Variants in CDK8 observed in about 807,000 individuals in gnomAD.
The protein encoded by CDK8 is cyclin-dependent kinase 8.
CDK8 carries 29 observed loss-of-function variants against 71.5 expected under a neutral mutation model. The ratio of observed to expected loss-of-function variants is 0.41; its 90% confidence interval spans 0.30 to 0.55. The LOEUF (loss-of-function observed/expected upper bound fraction) is 0.55. CDK8 is among the 20% of genes least tolerant of loss of function. The pLI, the probability that CDK8 is intolerant of heterozygous loss-of-function variation, is 0.37. For missense variants in CDK8, 288 were observed against 572.6 expected (o/e 0.50, Z 5.07); for synonymous variants, 161 against 192.1 (o/e 0.84, Z 1.34).
At chr13:26,353,580 G>A (rs184624794) in intron 3 of CDK8, among the ~76,000 whole-genome samples, 160 bp from the exon 4 acceptor site, 15 of 152,118 alleles carry the variant, frequency 9.9e-5, no homozygotes, top group Admixed American at 9.8e-4. Context: ...AGTTATTAGG[G>A]AATTTTAAAG....
chr13:26,392,324 C>CTTTT lies in CDK8; in HGVS notation c.647-1025_647-1022dup, dbSNP rs5802374. Among the ~76,000 whole-genome samples, 11 of 100,328 alleles carry CTTTT rather than the reference C, an allele frequency of 1.1e-4. 1 individual carries two copies. Among genetic ancestry groups the CTTTT allele is most frequent in the African/African-American group, 2.0e-4 (5 of 25,508 alleles). The allele number at this position is 100,328 out of a possible 152,430, so 65.8% of individuals were successfully genotyped here. On this transcript the variant is annotated intron_variant, in intron 6 of 12. Coordinates refer to ENST00000381527, the MANE Select transcript of CDK8 (RefSeq NM_001260.3). ...CAATAATTCATTTGAATTTATAACCCTTTTTTTTTTTTTTTTTTTTTGAGA... is the reference window on the plus strand; with the variant it reads ...CAATAATTCATTTGAATTTATAACCCTTTTTTTTTTTTTTTTTTTTTTTTTGAGA...
chr13:26,357,479 G>C (rs1873942419), intron 4 of CDK8, among the ~76,000 whole-genome samples: 1 of 152,174 alleles, frequency 6.6e-6, no homozygotes, highest in East Asian at 1.9e-4. Context: ...TGTCTGTTAA[G>C]TTAGCTTTGC....
At chr13:26,325,416 A>C (rs1874973175) in intron 1 of CDK8, among the ~76,000 whole-genome samples, 1 of 152,218 alleles carries the variant, frequency 6.6e-6, no homozygotes, top group Non-Finnish European at 1.5e-5. Context: ...GCTTTGATGC[A>C]TTGTAATCTT....
chr13:26,312,205 G>A (rs997355073), intron 1 of CDK8, among the ~76,000 whole-genome samples: 3 of 152,160 alleles, frequency 2.0e-5, no homozygotes, highest in African/African-American at 4.8e-5. Context: ...GATTGTAAAC[G>A]CACCAATCAG....
chr13:26,309,818 C>T (rs1013915973), intron 1 of CDK8, among the ~76,000 whole-genome samples: 7 of 152,086 alleles, frequency 4.6e-5, no homozygotes, highest in Admixed American at 6.5e-5. Flanking sequence ...GACAGAGTCT[C>T]GCTCTGTCGC....
At chr13:26,329,882 A>G (rs1875228322) in intron 1 of CDK8, among the ~76,000 whole-genome samples, 1 of 152,010 alleles carries the variant, frequency 6.6e-6, no homozygotes, top group South Asian at 2.1e-4. Flanking sequence ...GTGATATTAA[A>G]CTACTTGCTG....
At chr13:26,344,432 T>C (rs1285788231) in intron 2 of CDK8, among the ~76,000 whole-genome samples, 1 of 152,128 alleles carries the variant, frequency 6.6e-6, no homozygotes, top group African/African-American at 2.4e-5. Flanking sequence ...ATGAATATCA[T>C]TGTCTTCCAC....
rs1330493109 is a variant in CDK8 at position 26,396,299 on chromosome 13, G to A, written c.805G>A (p.Asp269Asn). 2 of 1,397,230 alleles carry A rather than the reference G, an allele frequency of 1.4e-6. No homozygotes were observed. The highest frequency in any genetic ancestry group is 2.0e-6 in the Non-Finnish European group (2 of 1,013,082). 86.6% of individuals were successfully genotyped at this position (1,397,230 alleles called of 1,614,324 possible). Residue 269 changes from aspartate (D) to asparagine (N), a missense_variant, in exon 8 of 13, where the codon GAT becomes AAT. By Grantham distance (23) the Asp-to-Asn change is conservative. Coordinates refer to ENST00000381527, the MANE Select transcript of CDK8 (RefSeq NM_001260.3). ...MGFPADKDWEDIKKMPEHSTL... is the reference protein window; with the variant it reads ...MGFPADKDWENIKKMPEHSTL... ...GTATTTCACAGATAAAGATTGGGAA[G>A]ATATAAAAAAGATGCCTGAACATTC...
chr13:26,317,119 A>G (rs1874546080), intron 1 of CDK8, among the ~76,000 whole-genome samples: 1 of 152,208 alleles, frequency 6.6e-6, no homozygotes, highest in Non-Finnish European at 1.5e-5. Flanking sequence ...TGACTCCATC[A>G]AGAGGACCAA....
intron 9 of CDK8, among the ~76,000 whole-genome samples, chr13:26,399,568 A>G (rs901189346): frequency 1.3e-5 from 2 of 152,254 alleles, no homozygotes; most frequent in Non-Finnish European, 2.9e-5. Flanking sequence ...TTAGAATCCA[A>G]TTGAATGAAC....
chr13:26,396,289 A>G lies in CDK8; in HGVS notation c.795A>G (p.Lys265=). Residue 265 remains lysine, a synonymous_variant, in exon 8 of 13, where the codon AAA becomes AAG. Transcript: ENST00000381527. ...IFNVMGFPAD[K]DWEDIKKMPE... ...ATTTATCAATGTATTTCACAGATAA[A>G]GATTGGGAAGATATAAAAAAGATGC... is the stretch of plus-strand genomic sequence containing the variant. 1 of 1,327,860 alleles carries G rather than the reference A, an allele frequency of 7.5e-7. No individual in the cohort carries two copies. The highest frequency in any genetic ancestry group is 1.0e-6 in the Non-Finnish European group (1 of 952,792). 82.3% of individuals were successfully genotyped at this position (1,327,860 alleles called of 1,614,324 possible).
At chr13:26,298,473 T>C (rs927624558) in intron 1 of CDK8, among the ~76,000 whole-genome samples, 1 of 152,186 alleles carries the variant, frequency 6.6e-6, no homozygotes, top group Non-Finnish European at 1.5e-5. Context: ...GGAAAGACTT[T>C]GCAAAGCTCT....
intron 2 of CDK8, 58 bp from the exon 3 acceptor site, chr13:26,349,007 TGGTGTGG>T: frequency 1.6e-5 from 15 of 930,680 alleles, no homozygotes; most frequent in Non-Finnish European, 2.3e-5. Flanking sequence ...GAATTACAAA[TGGTGTGG>T]GGTTTTTTAC....
intron 1 of CDK8, among the ~76,000 whole-genome samples, chr13:26,261,933 T>G (rs1349764104): frequency 1.3e-5 from 2 of 152,234 alleles, no homozygotes; most frequent in Non-Finnish European, 2.9e-5. Context: ...ACTAGTCTAT[T>G]TTATTCCAGG....
chr13:26,320,302 T>C (rs935397587), intron 1 of CDK8, among the ~76,000 whole-genome samples: 1 of 151,982 alleles, frequency 6.6e-6, no homozygotes, highest in East Asian at 1.9e-4. Context: ...TTCCAGCTAC[T>C]CAGGAGGCTG....
chr13:26,263,429 C>G (rs552474670), intron 1 of CDK8, among the ~76,000 whole-genome samples: 3 of 152,052 alleles, frequency 2.0e-5, no homozygotes. Context: ...CCACCGCGCC[C>G]GGCCGGGAGT....
chr13:26,313,137 A>G (rs1874365548), intron 1 of CDK8, among the ~76,000 whole-genome samples: 1 of 152,006 alleles, frequency 6.6e-6, no homozygotes, highest in African/African-American at 2.4e-5. Context: ...TATTATTTTT[A>G]TTTCATTCTC....
intron 1 of CDK8, among the ~76,000 whole-genome samples, chr13:26,316,684 C>G (rs146387655): frequency 6.6e-6 from 1 of 152,102 alleles, no homozygotes; most frequent in Non-Finnish European, 1.5e-5. Context: ...CACACAGACA[C>G]GCAATAACGA....
intron 2 of CDK8, among the ~76,000 whole-genome samples, chr13:26,340,261 T>C (rs2137978199): frequency 6.6e-6 from 1 of 152,326 alleles, no homozygotes; most frequent in Non-Finnish European, 1.5e-5. Context: ...ATTATATTGC[T>C]TAATTTTTAA....
Sources: gnomAD v4.1 joint callset for allele counts (sites outside exome capture counted in the v4.1 genomes callset) on GRCh38, gnomAD v4.1.1 for gene constraint, MANE v1.5 for transcripts, NCBI Gene and HGNC (gene_info 2026-07-23, HGNC 2026-07-21) for gene names.